The following COA7 variants were observed in gnomAD, a reference collection of about 807,000 sequenced individuals.
COA7 encodes cytochrome c oxidase assembly factor 7, also known as Sel1 repeat containing 1.
COA7 carries 12 observed loss-of-function variants against 21.0 expected under a neutral mutation model. The ratio of observed to expected loss-of-function variants is 0.57; its 90% CI spans 0.37 to 0.92. The LOEUF (loss-of-function observed/expected upper bound fraction) is 0.92. COA7 is among the 40% of genes least tolerant of loss of function. The pLI, the probability that COA7 is intolerant of heterozygous loss-of-function variation, is 0.01. For synonymous variants in COA7, 95 were observed against 107.4 expected, an observed-to-expected ratio of 0.88 and a Z score of 0.72; for missense variants, 240 against 286.1, an observed-to-expected ratio of 0.84 and a Z score of 1.16.
chr1:52,688,793 C>T (rs1017345589), intron 2 of COA7, among the ~76,000 whole-genome samples: 2 of 152,132 alleles, frequency 1.3e-5, no homozygotes, highest in Non-Finnish European at 2.9e-5. Flanking sequence ...TCAGATGATA[C>T]CTTATGAGGA....
Position 52,685,747 on chromosome 1 carries a change from G to A in COA7, c.*1973C>T, listed in dbSNP as rs1036686572. On this transcript the variant is annotated 3_prime_UTR_variant, in exon 3 of 3. Transcript: ENST00000371538. ...CACCCAGATAATTTTTGTATTTTTA[G>A]TAGATACGAGGTTTCACTATGTTGG... 2 of 152,100 alleles carry A rather than the reference G, an allele frequency of 1.3e-5. No individual in the cohort carries two copies. The highest frequency in any genetic ancestry group is 2.1e-4 in the South Asian group (1 of 4,830). 9.4% of individuals were successfully genotyped at this position (152,100 alleles called of 1,614,324 possible). A position where few individuals can be genotyped will look rare whatever the true frequency, so the allele number is the denominator to read the frequency against.
At chr1:52,691,780 G>A (rs1571718338) in intron 2 of COA7, among the ~76,000 whole-genome samples, 1 of 151,982 alleles carries the variant, frequency 6.6e-6, no homozygotes, top group Non-Finnish European at 1.5e-5. Context: ...GGCCTGTGGT[G>A]GTTTTAAATA....
rs1643996838 is a variant in COA7 at position 52,685,650 on chromosome 1, C to G, written c.*2070G>C. 6.6e-6 allele frequency: 1 copy of G among 152,130 alleles called. No homozygotes were observed. The highest frequency in any genetic ancestry group is 1.5e-5 in the Non-Finnish European group (1 of 68,090). 9.4% of individuals were successfully genotyped at this position (152,130 alleles called of 1,614,324 possible). A position where few individuals can be genotyped will look rare whatever the true frequency, so the allele number is the denominator to read the frequency against. ...GCATGGTCTTGGCTCACTGCAACCT[C>G]CACCTCCTGGGTTCAAGCGATTCTC... is the stretch of plus-strand genomic sequence containing the variant. On this transcript the variant is annotated 3_prime_UTR_variant, in exon 3 of 3. Transcript: ENST00000371538.
chr1:52,697,731 C>A (rs1644094644), intron 1 of COA7, among the ~76,000 whole-genome samples: 2 of 150,448 alleles, frequency 1.3e-5, no homozygotes, highest in African/African-American at 5.0e-5. Context: ...TGCCACCACG[C>A]CCGGCTAATT....
chr1:52,687,003 T>TA lies in COA7; in HGVS notation c.*716dup. On this transcript the variant is annotated 3_prime_UTR_variant, in exon 3 of 3. Transcript: ENST00000371538. ...TGCCAGGCGACTACACTGGAGGTGC[T>TA]AATTTTTAACTGCCAATGTCTCTTC... 6.6e-6 allele frequency: 1 copy of TA among 152,248 alleles called. No individual in the cohort carries two copies. Among genetic ancestry groups the TA allele is most frequent in the East Asian group, 1.9e-4 (1 of 5,194 alleles). The allele number at this position is 152,248 out of a possible 1,614,324, so 9.4% of individuals were successfully genotyped here.
chr1:52,695,631 A>G (rs1644078904), intron 1 of COA7, among the ~76,000 whole-genome samples: 1 of 152,204 alleles, frequency 6.6e-6, no homozygotes, highest in African/African-American at 2.4e-5. Context: ...TTAAAATCTA[A>G]TATTTAACAT....
chr1:52,687,021 GTCTCTTCT>G lies in COA7; in HGVS notation c.*691_*698del, dbSNP rs1644010908. The G allele has an allele frequency of 1.3e-5, 2 of 152,264 alleles. No individual in the cohort carries two copies. Among genetic ancestry groups the G allele is most frequent in the African/African-American group, 4.8e-5 (2 of 41,464 alleles). The allele number at this position is 152,264 out of a possible 1,614,324, so 9.4% of individuals were successfully genotyped here. On this transcript the variant is annotated 3_prime_UTR_variant, in exon 3 of 3. Coordinates refer to ENST00000371538, the MANE Select transcript of COA7 (RefSeq NM_023077.3). ...GAGGTGCTAATTTTTAACTGCCAAT[GTCTCTTCT>G]AGACGATGGCAGGCTGATGTTTCAT...
intron 1 of COA7, among the ~76,000 whole-genome samples, chr1:52,693,546 C>T (rs540983533): frequency 6.1e-5 from 9 of 148,598 alleles, no homozygotes; most frequent in East Asian, 2.0e-4. Flanking sequence ...GCGGAGGTTG[C>T]GGCGGGCCGA....
Position 52,686,509 on chromosome 1 carries a change from G to C in COA7, c.*1211C>G, listed in dbSNP as rs574788939. ...ATCGCCCAGGCTGGAGGGCAGTGGC[G>C]CAATCTCAGCTCACTGCAAGCTCCG... On this transcript the variant is annotated 3_prime_UTR_variant, in exon 3 of 3. Transcript: ENST00000371538. The C allele has an allele frequency of 6.6e-6, 1 of 151,346 alleles. No individual in the cohort carries two copies. The highest frequency in any genetic ancestry group is 1.5e-5 in the Non-Finnish European group (1 of 67,868). 9.4% of individuals were successfully genotyped at this position (151,346 alleles called of 1,614,324 possible). A position where few individuals can be genotyped will look rare whatever the true frequency, so the allele number is the denominator to read the frequency against.
At chr1:52,696,360 G>A (rs753455972) in intron 1 of COA7, among the ~76,000 whole-genome samples, 2 of 152,060 alleles carry the variant, frequency 1.3e-5, no homozygotes, top group Non-Finnish European at 2.9e-5. Context: ...TTTTAGTAGA[G>A]ACAGTTTAAT....
At chr1:52,688,305 A>G in intron 2 of COA7, 137 bp from the exon 3 acceptor site, 1 of 681,064 alleles carries the variant, frequency 1.5e-6, no homozygotes, top group Non-Finnish European at 2.4e-6. Context: ...GTGCACTGGC[A>G]TGATCACGGC....
intron 2 of COA7, among the ~76,000 whole-genome samples, chr1:52,688,421 A>AT (rs1168317044): frequency 3.3e-5 from 5 of 151,962 alleles, no homozygotes; most frequent in East Asian, 1.9e-4. Context: ...TAATTTTTAA[A>AT]TTTTTTTGTA....
intron 1 of COA7, among the ~76,000 whole-genome samples, chr1:52,694,464 A>AAAAAAAAAAAAAAAAAAAAAAAAAAT (rs1558104285): frequency 6.6e-6 from 1 of 150,878 alleles, no homozygotes. Context: ...CCATCTCGAA[A>AAAAAAAAAAAAAAAAAAAAAAAAAAT]AAAAAAAAAA....
At position 52,687,584 on chromosome 1, in the gene COA7, A is replaced by G. The variant is rs2149903353; in HGVS notation, c.*136T>C. ...CTCCAGTAGCTGGGGCAATGGATCC[A>G]TGTAAATGGAGCTACAAATTCAAGT... On this transcript the variant is annotated 3_prime_UTR_variant, in exon 3 of 3. Coordinates refer to ENST00000371538, the MANE Select transcript of COA7 (RefSeq NM_023077.3). The G allele has an allele frequency of 1.4e-6, 1 of 720,258 alleles. No individual in the cohort carries two copies. Among genetic ancestry groups the G allele is most frequent in the African/African-American group, 1.8e-5 (1 of 56,206 alleles). The allele number at this position is 720,258 out of a possible 1,614,324, so 44.6% of individuals were successfully genotyped here.
chr1:52,692,653 G>C lies in COA7; in HGVS notation c.247+74C>G, dbSNP rs536130596. On this transcript the variant is annotated intron_variant, in intron 2 of 2. Coordinates refer to ENST00000371538, the MANE Select transcript of COA7 (RefSeq NM_023077.3). ...ATGCCTGCGAGACCCTTCTGCAAGA[G>C]CTTATCATGGGGCTCAGGTGTGAGG... The C allele has an allele frequency of 1.9e-6, 3 of 1,553,388 alleles. No homozygotes were observed. In the East Asian group the frequency reaches 6.8e-5, roughly 35 times the overall value.
intron 2 of COA7, among the ~76,000 whole-genome samples, chr1:52,691,616 TGC>T (rs1413313102): frequency 6.6e-6 from 1 of 150,794 alleles, no homozygotes; most frequent in African/African-American, 2.4e-5. Flanking sequence ...GGATTACAGG[TGC>T]GCGCCACCAC....
intron 2 of COA7, among the ~76,000 whole-genome samples, chr1:52,690,721 G>A (rs989356795): frequency 6.6e-6 from 1 of 151,310 alleles, no homozygotes; most frequent in Non-Finnish European, 1.5e-5. Flanking sequence ...CTCTGTGGCC[G>A]AGGCTGGAGT....
chr1:52,688,158 G>A lies in COA7; in HGVS notation c.258C>T (p.Thr86=), dbSNP rs146299147. 19 of 1,610,106 alleles carry A rather than the reference G, an allele frequency of 1.2e-5. No individual in the cohort carries two copies. Among genetic ancestry groups the A allele is most frequent in the Non-Finnish European group, 1.6e-5 (19 of 1,179,784 alleles). The change falls in exon 3 of 3, where the codon ACC becomes ACT. Residue 86 remains threonine, a synonymous_variant. Transcript: ENST00000371538. ...AYYVTGKGGL[T]QDLKAAARCF... The stretch of plus-strand genomic sequence containing the variant: ...ACCTGGCGGCAGCTTTCAGGTCCTG[G>A]GTCAGACCACCTGAGAGGAAGGAAA...
intron 2 of COA7, among the ~76,000 whole-genome samples, chr1:52,691,089 TGGGACCCTGTCTC>T (rs1023939663): frequency 1.1e-4 from 16 of 150,654 alleles, no homozygotes; most frequent in East Asian, 5.9e-4. Context: ...GGCGACAGAG[TGGGACCCTGTCTC>T]GGGACCCTGT....
Sources: allele counts gnomAD v4.1 joint callset (sites outside exome capture counted in the v4.1 genomes callset), GRCh38; gene constraint gnomAD v4.1.1; transcripts MANE v1.5; gene names NCBI Gene and HGNC (gene_info 2026-07-23, HGNC 2026-07-21).